Variants in POU6F2 observed in about 807,000 individuals in gnomAD.
The protein encoded by POU6F2 is POU domain, class 6, transcription factor 2.
POU6F2 carries 31 observed loss-of-function variants against 71.3 expected under a neutral mutation model. The observed-to-expected ratio is 0.43, with a 90% CI of 0.33 to 0.59. The LOEUF (loss-of-function observed/expected upper bound fraction) is 0.59. Ranked by LOEUF, POU6F2 falls within the 20% of genes least tolerant of loss-of-function variation. The probability of loss-of-function intolerance (pLI) is 0.04; values close to 1 mark genes in which losing one functional copy is unlikely to be tolerated. For missense variants in POU6F2, 783 were observed against 856.8 expected, an observed-to-expected ratio of 0.91 and a Z score of 1.07; for synonymous variants, 347 against 355.7, an observed-to-expected ratio of 0.98 and a Z score of 0.27.
At chr7:39,136,790 T>C (rs568635619) in intron 2 of POU6F2, among the ~76,000 whole-genome samples, 1 of 151,226 alleles carries the variant, frequency 6.6e-6, no homozygotes, top group Admixed American at 6.6e-5. Context: ...GACCAAGAGT[T>C]CAAGGTCAGC....
At position 39,032,765 on chromosome 7, in the gene POU6F2, A is replaced by G. The variant is rs977956474; in HGVS notation, c.106-53095A>G. 3.9e-5 allele frequency among the ~76,000 whole-genome samples: 6 copies of G among 152,218 alleles called. No individual in the cohort carries two copies. In the South Asian group the frequency reaches 1.0e-3, roughly 26 times the overall value. ...GCTACCACACAGGCCATATTTTTTA[A>G]TAACCACTTTAACACAGAGCAGGGG... On this transcript the variant is annotated intron_variant, in intron 1 of 9. Coordinates refer to ENST00000518318, the MANE Select transcript of POU6F2 (RefSeq NM_001370959.1).
At chr7:39,028,674 A>G (rs1314344511) in intron 1 of POU6F2, among the ~76,000 whole-genome samples, 1 of 152,156 alleles carries the variant, frequency 6.6e-6, no homozygotes, top group Non-Finnish European at 1.5e-5. Context: ...TAATCATGAT[A>G]TATCTTCTCA....
intron 1 of POU6F2, among the ~76,000 whole-genome samples, chr7:39,030,970 G>A (rs971844885): frequency 1.3e-5 from 2 of 151,540 alleles, no homozygotes; most frequent in African/African-American, 2.4e-5. Context: ...GTGTGATCTC[G>A]GCTCACCGCA....
intron 4 of POU6F2, among the ~76,000 whole-genome samples, chr7:39,336,308 A>G (rs990609786): frequency 2.0e-5 from 3 of 152,130 alleles, no homozygotes; most frequent in East Asian, 3.9e-4. Context: ...TCTCCTCCCC[A>G]TCCCTTCCAC....
At chr7:39,268,900 G>A (rs574867604) in intron 4 of POU6F2, among the ~76,000 whole-genome samples, 4 of 152,218 alleles carry the variant, frequency 2.6e-5, no homozygotes, top group Middle Eastern at 3.4e-3. Context: ...GTGTTGCCGG[G>A]GGTATTTAAG....
intron 2 of POU6F2, among the ~76,000 whole-genome samples, chr7:39,165,054 A>G (rs1372307305): frequency 6.6e-6 from 1 of 152,070 alleles, no homozygotes; most frequent in African/African-American, 2.4e-5. Flanking sequence ...TAAGATTACA[A>G]CTCCACTAGG....
intron 1 of POU6F2, among the ~76,000 whole-genome samples, chr7:39,022,276 G>A (rs1789693768): frequency 6.6e-6 from 1 of 151,886 alleles, no homozygotes; most frequent in South Asian, 2.1e-4. Context: ...TGGATAAAAT[G>A]CCTTCTCAAA....
chr7:39,454,667 TA>T (rs1562558987), intron 8 of POU6F2, among the ~76,000 whole-genome samples: 11 of 972 alleles, frequency 0.011, 1 homozygote, highest in Middle Eastern at 0.17. Context: ...TATATATATA[TA>T]TATATATATA....
intron 1 of POU6F2, among the ~76,000 whole-genome samples, chr7:38,989,825 GTT>G (rs1554304103): frequency 0.028 from 3,031 of 108,200 alleles, 24 homozygotes; most frequent in African/African-American, 0.035. Flanking sequence ...GTGTGTGTGT[GTT>G]TGTGTGTGTG....
intron 7 of POU6F2, among the ~76,000 whole-genome samples, chr7:39,434,288 G>A (rs918758349): frequency 3.9e-5 from 6 of 152,098 alleles, no homozygotes; most frequent in Middle Eastern, 3.2e-3. Flanking sequence ...GAGCAGAGAG[G>A]AGGCAGAGGA....
rs1491477290 is a variant in POU6F2 at position 39,364,261 on chromosome 7, T to TC, written c.972+24246_972+24247insC. Reference sequence around the variant, plus strand: ...TTCTTCTGATGGATTCTCTATTCTCTTTTTTTTTTTTTTTATTTCCATAGG... The same window carrying TC: ...TTCTTCTGATGGATTCTCTATTCTCTCTTTTTTTTTTTTTTATTTCCATAGG... On this transcript the variant is annotated intron_variant, in intron 5 of 9. Transcript: ENST00000518318. Among the ~76,000 whole-genome samples, 6 of 52,364 alleles carry TC rather than the reference T, an allele frequency of 1.1e-4. No individual in the cohort carries two copies. The East Asian group carries it at 1.2e-3, about 11-fold the overall frequency. The allele number at this position is 52,364 out of a possible 152,430, so 34.4% of individuals were successfully genotyped here.
At chr7:39,360,389 TAAAAC>T (rs976913768) in intron 5 of POU6F2, among the ~76,000 whole-genome samples, 1 of 152,202 alleles carries the variant, frequency 6.6e-6, no homozygotes, top group African/African-American at 2.4e-5. Flanking sequence ...ACACAGTTGT[TAAAAC>T]AAAGAAAATA....
intron 5 of POU6F2, among the ~76,000 whole-genome samples, chr7:39,352,500 T>C (rs1172501416): frequency 6.6e-6 from 1 of 152,200 alleles, no homozygotes; most frequent in Non-Finnish European, 1.5e-5. Context: ...GTAGAGGCCA[T>C]ACACAGAATC....
intron 2 of POU6F2, among the ~76,000 whole-genome samples, chr7:39,123,783 T>A (rs1407284918): frequency 6.6e-6 from 1 of 152,174 alleles, no homozygotes; most frequent in African/African-American, 2.4e-5. Flanking sequence ...CTTTGGTTTT[T>A]TTTTTTATTC....
At chr7:39,047,778 C>G (rs947793725) in intron 1 of POU6F2, among the ~76,000 whole-genome samples, 6 of 151,860 alleles carry the variant, frequency 4.0e-5, no homozygotes. Flanking sequence ...GGAATTTTGT[C>G]AACTGCCTTT....
intron 7 of POU6F2, among the ~76,000 whole-genome samples, chr7:39,437,815 C>T (rs1022286797): frequency 3.9e-5 from 6 of 152,050 alleles, no homozygotes; most frequent in African/African-American, 1.2e-4. Context: ...GATTCTGGTA[C>T]GTTGTGTCTT....
intron 4 of POU6F2, among the ~76,000 whole-genome samples, chr7:39,224,498 G>A (rs763816117): frequency 4.9e-4 from 74 of 152,308 alleles, no homozygotes; most frequent in Non-Finnish European, 1.9e-4. Context: ...TTGGAAATGA[G>A]GATGAGGCAG....
intron 4 of POU6F2, among the ~76,000 whole-genome samples, chr7:39,238,752 T>C (rs1021544398): frequency 4.6e-5 from 7 of 152,140 alleles, no homozygotes; most frequent in Non-Finnish European, 1.0e-4. Context: ...CAAGGTCTGA[T>C]AGTGAAGACT....
intron 2 of POU6F2, among the ~76,000 whole-genome samples, chr7:39,193,213 G>A (rs1793706842): frequency 6.6e-6 from 1 of 152,008 alleles, no homozygotes; most frequent in Admixed American, 6.6e-5. Context: ...TTTTAAAGAC[G>A]ATTGCGGGGG....
Sources: gnomAD v4.1 joint callset for allele counts (sites outside exome capture counted in the v4.1 genomes callset) on GRCh38, gnomAD v4.1.1 for gene constraint, MANE v1.5 for transcripts, NCBI Gene and HGNC (gene_info 2026-07-23, HGNC 2026-07-21) for gene names.